JARID2: variants seen among roughly 807,000 people sequenced by gnomAD.
JARID2 encodes jumonji and AT-rich interaction domain containing 2.
JARID2 carries 21 observed loss-of-function variants against 125.6 expected under a neutral mutation model. The observed-to-expected ratio is 0.17, with a 90% CI of 0.12 to 0.24. The LOEUF is 0.24. Among genes scored for constraint, JARID2 ranks in the 10% least tolerant of loss-of-function variants. The pLI, the probability that JARID2 is intolerant of heterozygous loss-of-function variation, is 1.00. For synonymous variants in JARID2, 736 were observed against 661.6 expected, an observed-to-expected ratio of 1.11 and a Z score of -1.73; for missense variants, 1,303 against 1,639.6, an observed-to-expected ratio of 0.79 and a Z score of 3.55.
rs572898463 is a variant in JARID2 at position 15,452,288 on chromosome 6, A to G, written c.493+113A>G. 860 of 1,407,830 alleles carry G rather than the reference A, an allele frequency of 6.1e-4. 2 individuals are homozygous for G. The highest frequency in any genetic ancestry group is 9.1e-4 in the South Asian group (62 of 68,450). The allele number at this position is 1,407,830 out of a possible 1,614,324, so 87.2% of individuals were successfully genotyped here. On this transcript the variant is annotated intron_variant, in intron 4 of 17. Coordinates refer to ENST00000341776, the MANE Select transcript of JARID2 (RefSeq NM_004973.4). Reference sequence around the variant, plus strand: ...TGCCATGTTCATTTTTCTGTCCCCAACCTGGGTTGAGGGGGAATTGAAAGT... The same window carrying G: ...TGCCATGTTCATTTTTCTGTCCCCAGCCTGGGTTGAGGGGGAATTGAAAGT...
chr6:15,412,198 A>C (rs1422180338), intron 3 of JARID2, among the ~76,000 whole-genome samples: 1 of 152,176 alleles, frequency 6.6e-6, no homozygotes, highest in Non-Finnish European at 1.5e-5. Context: ...ATGTGGATTA[A>C]GGTTTGATAG....
intron 2 of JARID2, among the ~76,000 whole-genome samples, chr6:15,396,720 T>C (rs1047482718): frequency 4.6e-5 from 7 of 152,324 alleles, no homozygotes; most frequent in South Asian, 2.1e-4. Flanking sequence ...ATTTTGGGGA[T>C]TTTTAAATTT....
At chr6:15,517,131 G>A (rs1771601586) in intron 16 of JARID2, 30 bp from the exon 17 acceptor site, 1 of 1,559,584 alleles carries the variant, frequency 6.4e-7, no homozygotes, top group East Asian at 2.2e-5. Context: ...GCTGCCTCCT[G>A]ACCTTCGGGT....
rs1194357724 is a variant in JARID2 at position 15,520,598 on chromosome 6, C to T, written c.*347C>T. The stretch of plus-strand genomic sequence containing the variant: ...TGTTGGGGGGAAAAAGGCTTTTTAA[C>T]CCATTTTTGAAGAGGGTGAAGTTTG... On this transcript the variant is annotated 3_prime_UTR_variant, in exon 18 of 18. Coordinates refer to ENST00000341776, the MANE Select transcript of JARID2 (RefSeq NM_004973.4). The T allele has an allele frequency of 1.2e-5, 3 of 243,400 alleles. No homozygotes were observed. The highest frequency in any genetic ancestry group is 5.4e-5 in the Admixed American group (1 of 18,492). 15.1% of individuals were successfully genotyped at this position (243,400 alleles called of 1,614,324 possible). A position where few individuals can be genotyped will look rare whatever the true frequency, so the allele number is the denominator to read the frequency against.
At chr6:15,249,129 T>C (rs1759333835) in intron 1 of JARID2, among the ~76,000 whole-genome samples, 1 of 152,256 alleles carries the variant, frequency 6.6e-6, no homozygotes, top group Non-Finnish European at 1.5e-5. Flanking sequence ...GCGTGGTGCA[T>C]GTGTCCCCTC....
chr6:15,433,484 G>A (rs539715675), intron 3 of JARID2, among the ~76,000 whole-genome samples: 2 of 150,714 alleles, frequency 1.3e-5, no homozygotes, highest in Non-Finnish European at 3.0e-5. Context: ...CTTAGGTGGC[G>A]TGCATCCTAC....
At chr6:15,461,641 G>T (rs1011995834) in intron 4 of JARID2, among the ~76,000 whole-genome samples, 1 of 152,174 alleles carries the variant, frequency 6.6e-6, no homozygotes, top group Admixed American at 6.5e-5. Flanking sequence ...AAGATATGCT[G>T]TCACCTATGG....
At chr6:15,372,355 A>G (rs1419631609) in intron 1 of JARID2, among the ~76,000 whole-genome samples, 1 of 151,942 alleles carries the variant, frequency 6.6e-6, no homozygotes, top group East Asian at 1.9e-4. Flanking sequence ...TGGGATATTA[A>G]TGTTATTATT....
chr6:15,371,371 T>C (rs968481095), intron 1 of JARID2, among the ~76,000 whole-genome samples: 1 of 152,230 alleles, frequency 6.6e-6, no homozygotes, highest in Non-Finnish European at 1.5e-5. Context: ...TAATAGTTTA[T>C]AATCTCACGT....
chr6:15,504,649 T>C (rs1406105417), intron 9 of JARID2, 57 bp downstream of exon 9: 2 of 1,154,972 alleles, frequency 1.7e-6, no homozygotes, highest in East Asian at 2.3e-5. Flanking sequence ...CTCGGCGAGC[T>C]GGAGGACATC....
intron 5 of JARID2, 144 bp downstream of exon 5, chr6:15,468,862 G>T: frequency 2.7e-6 from 2 of 728,864 alleles, no homozygotes; most frequent in Non-Finnish European, 4.4e-6. Flanking sequence ...TGGGCAAAGG[G>T]ATTATTAGTG....
chr6:15,424,069 C>G (rs1766617582), intron 3 of JARID2, among the ~76,000 whole-genome samples: 1 of 151,936 alleles, frequency 6.6e-6, no homozygotes, highest in Non-Finnish European at 1.5e-5. Flanking sequence ...GCCCGCATTC[C>G]TAAACTCTTT....
chr6:15,444,184 C>T (rs866813345), intron 3 of JARID2, among the ~76,000 whole-genome samples: 1 of 152,162 alleles, frequency 6.6e-6, no homozygotes, highest in Non-Finnish European at 1.5e-5. Flanking sequence ...AGCCAGCTGA[C>T]CTCCCGTTTT....
At chr6:15,336,739 G>A (rs1762891914) in intron 1 of JARID2, among the ~76,000 whole-genome samples, 1 of 150,560 alleles carries the variant, frequency 6.6e-6, no homozygotes, top group Non-Finnish European at 1.5e-5. Context: ...TTTAAGAGAT[G>A]AGGTCTCACC....
At chr6:15,460,898 T>G (rs896487885) in intron 4 of JARID2, among the ~76,000 whole-genome samples, 1 of 152,110 alleles carries the variant, frequency 6.6e-6, no homozygotes, top group Non-Finnish European at 1.5e-5. Flanking sequence ...AGAGACGGGG[T>G]TTCACCATGT....
At chr6:15,366,023 ATT>A (rs1037027752) in intron 1 of JARID2, among the ~76,000 whole-genome samples, 19 of 152,072 alleles carry the variant, frequency 1.2e-4, no homozygotes, top group Non-Finnish European at 2.1e-4. Flanking sequence ...TACCTTTCTC[ATT>A]TTCCTTCATC....
intron 7 of JARID2, among the ~76,000 whole-genome samples, 199 bp downstream of exon 7, chr6:15,497,369 T>A (rs1156567149): frequency 6.6e-6 from 1 of 152,116 alleles, no homozygotes; most frequent in East Asian, 1.9e-4. Flanking sequence ...AGGATAAGAA[T>A]GGTATTGAGC....
chr6:15,383,827 C>T lies in JARID2; in HGVS notation c.181+9575C>T, dbSNP rs988104649. ...TATTTTATTTTTTGAGATGGAGTTTCGCTCTTGTCCAGGCTGGAGTGCAAT... is the reference window on the plus strand; with the variant it reads ...TATTTTATTTTTTGAGATGGAGTTTTGCTCTTGTCCAGGCTGGAGTGCAAT... On this transcript the variant is annotated intron_variant, in intron 2 of 17. Coordinates refer to ENST00000341776, the MANE Select transcript of JARID2 (RefSeq NM_004973.4). Among the ~76,000 whole-genome samples the T allele has an allele frequency of 1.8e-4, 27 of 152,162 alleles. 1 individual carries two copies. Among genetic ancestry groups the T allele is most frequent in the African/African-American group, 2.7e-4 (11 of 41,440 alleles).
At chr6:15,372,711 TA>T (rs1250992329) in intron 1 of JARID2, among the ~76,000 whole-genome samples, 3 of 151,616 alleles carry the variant, frequency 2.0e-5, no homozygotes, top group African/African-American at 7.3e-5. Flanking sequence ...CTTATTTATT[TA>T]TTTATTTTTT....
Sources: gnomAD v4.1 joint callset for allele counts (sites outside exome capture counted in the v4.1 genomes callset) on GRCh38, gnomAD v4.1.1 for gene constraint, MANE v1.5 for transcripts, NCBI Gene and HGNC (gene_info 2026-07-23, HGNC 2026-07-21) for gene names.